Variants in PTPRD observed in about 807,000 individuals in gnomAD.
PTPRD encodes receptor-type tyrosine-protein phosphatase delta.
Under a neutral mutation model 214.5 loss-of-function variants are expected in PTPRD, and 34 were observed. That is an observed-to-expected ratio of 0.16 (90% CI 0.12 to 0.21). The LOEUF (loss-of-function observed/expected upper bound fraction) is 0.21. Among genes scored for constraint, PTPRD ranks in the 10% least tolerant of loss-of-function variants. The pLI is 1.00. For missense variants in PTPRD, 2,545 were observed against 2,398.7 expected (o/e 1.06, Z -1.27); for synonymous variants, 1,128 against 845.7 (o/e 1.33, Z -5.79).
intron 8 of PTPRD, among the ~76,000 whole-genome samples, chr9:9,397,955 C>T (rs912269493): frequency 6.6e-6 from 1 of 151,912 alleles, no homozygotes; most frequent in Non-Finnish European, 1.5e-5. Flanking sequence ...CATTCAGGAG[C>T]TTTAGTAGGT....
chr9:8,654,694 A>C (rs1024387952), intron 12 of PTPRD, among the ~76,000 whole-genome samples: 3 of 152,198 alleles, frequency 2.0e-5, no homozygotes, highest in African/African-American at 7.2e-5. Context: ...TAAGGGTTAT[A>C]ATAAAGAAAA....
At chr9:10,006,126 T>C (rs2096468284) in intron 4 of PTPRD, among the ~76,000 whole-genome samples, 1 of 151,786 alleles carries the variant, frequency 6.6e-6, no homozygotes, top group Admixed American at 6.6e-5. Context: ...TTTTCATTTT[T>C]AGATTTCAAA....
intron 3 of PTPRD, among the ~76,000 whole-genome samples, chr9:10,252,410 T>C (rs1193071301): frequency 2.6e-5 from 4 of 152,160 alleles, no homozygotes; most frequent in Non-Finnish European, 5.9e-5. Flanking sequence ...CAACTCCAGA[T>C]AGGCTTCCAG....
chr9:9,768,681 ACCT>A (rs1740650842), intron 5 of PTPRD, among the ~76,000 whole-genome samples: 1 of 152,026 alleles, frequency 6.6e-6, no homozygotes, highest in Non-Finnish European at 1.5e-5. Context: ...GAAACAGAAA[ACCT>A]CCTTAAATGA....
intron 11 of PTPRD, among the ~76,000 whole-genome samples, chr9:8,820,740 C>G (rs1410095001): frequency 6.6e-6 from 1 of 152,260 alleles, no homozygotes; most frequent in East Asian, 1.9e-4. Flanking sequence ...CACACACACA[C>G]ACACTTTTTG....
At chr9:8,909,706 A>T (rs1370690454) in intron 11 of PTPRD, among the ~76,000 whole-genome samples, 1 of 152,100 alleles carries the variant, frequency 6.6e-6, no homozygotes, top group African/African-American at 2.4e-5. Context: ...CTTTTATTCA[A>T]GATTATTCTG....
At chr9:9,728,412 A>G (rs1237394961) in intron 7 of PTPRD, among the ~76,000 whole-genome samples, 1 of 152,180 alleles carries the variant, frequency 6.6e-6, no homozygotes, top group Non-Finnish European at 1.5e-5. Flanking sequence ...TTTGATCTCT[A>G]GTCCTATGTG....
chr9:9,816,795 TG>T (rs2048922748), intron 5 of PTPRD, among the ~76,000 whole-genome samples: 1 of 151,920 alleles, frequency 6.6e-6, no homozygotes, highest in Non-Finnish European at 1.5e-5. Flanking sequence ...GATAGTGAAC[TG>T]GAAAAAAAAT....
chr9:8,494,177 T>G (rs1175312786), intron 26 of PTPRD, among the ~76,000 whole-genome samples: 1 of 152,156 alleles, frequency 6.6e-6, no homozygotes, highest in Non-Finnish European at 1.5e-5. Context: ...TTATATTGTG[T>G]GAAATACAGT....
At chr9:9,185,243 C>A (rs2099930606) in intron 9 of PTPRD, among the ~76,000 whole-genome samples, 1 of 152,072 alleles carries the variant, frequency 6.6e-6, no homozygotes, top group Non-Finnish European at 1.5e-5. Flanking sequence ...TCACATATTA[C>A]AATGAAACAG....
At chr9:9,746,553 C>G (rs2761703) in intron 6 of PTPRD, among the ~76,000 whole-genome samples, 1 of 151,928 alleles carries the variant, frequency 6.6e-6, no homozygotes, top group African/African-American at 2.4e-5. Context: ...AATTGTTTCA[C>G]GTAAATATTG....
At chr9:9,660,466 G>A (rs2096602088) in intron 7 of PTPRD, among the ~76,000 whole-genome samples, 1 of 151,932 alleles carries the variant, frequency 6.6e-6, no homozygotes, top group African/African-American at 2.4e-5. Flanking sequence ...CTTGAATATA[G>A]TTTAATAGAT....
intron 4 of PTPRD, among the ~76,000 whole-genome samples, chr9:9,992,682 G>A (rs973907134): frequency 6.6e-6 from 1 of 152,026 alleles, no homozygotes; most frequent in African/African-American, 2.4e-5. Flanking sequence ...CCATCATTAC[G>A]AGCAAACTAT....
intron 9 of PTPRD, among the ~76,000 whole-genome samples, chr9:9,308,401 G>T (rs138160708): frequency 6.6e-6 from 1 of 152,240 alleles, no homozygotes; most frequent in African/African-American, 2.4e-5. Context: ...ATACTATAAT[G>T]GTCTTTGGAT....
intron 5 of PTPRD, among the ~76,000 whole-genome samples, chr9:9,896,213 A>G (rs1430229207): frequency 6.6e-6 from 1 of 152,078 alleles, no homozygotes; most frequent in African/African-American, 2.4e-5. Flanking sequence ...GCACATACAT[A>G]AAATATGACT....
intron 7 of PTPRD, among the ~76,000 whole-genome samples, chr9:9,682,496 T>C (rs1002781646): frequency 6.6e-6 from 1 of 151,736 alleles, no homozygotes; most frequent in East Asian, 1.9e-4. Context: ...GTTTTATTTA[T>C]GGTAGGGTAG....
intron 3 of PTPRD, among the ~76,000 whole-genome samples, chr9:10,239,631 G>A (rs181994314): frequency 1.3e-3 from 200 of 151,658 alleles, no homozygotes; most frequent in African/African-American, 4.3e-3. Context: ...AATAATGAAC[G>A]TTTTATTATG....
At chr9:9,409,830 GA>G (rs1462109789) in intron 8 of PTPRD, among the ~76,000 whole-genome samples, 1 of 151,998 alleles carries the variant, frequency 6.6e-6, no homozygotes, top group Non-Finnish European at 1.5e-5. Flanking sequence ...TATTTTAGAT[GA>G]AAAATGTCTA....
chr9:9,514,802 C>A (rs1024223390), intron 8 of PTPRD, among the ~76,000 whole-genome samples: 1 of 152,064 alleles, frequency 6.6e-6, no homozygotes, highest in Non-Finnish European at 1.5e-5. Context: ...GAGGCTTCAA[C>A]TGCCTTTGCA....
Sources: allele counts gnomAD v4.1 joint callset (sites outside exome capture counted in the v4.1 genomes callset), GRCh38; gene constraint gnomAD v4.1.1; transcripts MANE v1.5; gene names NCBI Gene and HGNC (gene_info 2026-07-23, HGNC 2026-07-21).